Variants in GRAMD1B observed in about 807,000 individuals in gnomAD.
GRAMD1B encodes the protein GRAM domain containing 1B.
GRAMD1B carries 37 observed loss-of-function variants against 99.7 expected under a neutral mutation model. That is an observed-to-expected ratio of 0.37 (90% CI 0.29 to 0.49). The LOEUF (loss-of-function observed/expected upper bound fraction) is 0.49. GRAMD1B is among the 20% of genes least tolerant of loss of function. The pLI is 0.98. For synonymous variants in GRAMD1B, 427 were observed against 387.6 expected (o/e 1.10, Z -1.19); for missense variants, 888 against 1,009.2 (o/e 0.88, Z 1.63).
At chr11:123,536,531 C>G (rs1349223588) in intron 2 of GRAMD1B, among the ~76,000 whole-genome samples, 1 of 152,108 alleles carries the variant, frequency 6.6e-6, no homozygotes, top group Non-Finnish European at 1.5e-5. Context: ...TGTTGATGCT[C>G]TTGGGATGGG....
intron 1 of GRAMD1B, among the ~76,000 whole-genome samples, chr11:123,362,851 C>T (rs535902561): frequency 1.3e-4 from 20 of 152,152 alleles, no homozygotes; most frequent in African/African-American, 4.3e-4. Context: ...CAGGCTGCCC[C>T]GGAAGGCAAG....
intron 1 of GRAMD1B, among the ~76,000 whole-genome samples, chr11:123,406,358 A>T (rs537580114): frequency 5.0e-4 from 76 of 151,772 alleles, no homozygotes; most frequent in African/African-American, 1.7e-3. Context: ...GGTTCAAGTG[A>T]TTCTCCCGCC....
chr11:123,588,746 A>T (rs961628956), intron 4 of GRAMD1B, among the ~76,000 whole-genome samples: 3 of 152,212 alleles, frequency 2.0e-5, no homozygotes, highest in African/African-American at 7.2e-5. Context: ...CTTCGTGTGT[A>T]CATGTAAGAT....
chr11:123,548,325 T>TATATATATATATATACAC (rs1555067740), intron 2 of GRAMD1B, among the ~76,000 whole-genome samples: 11 of 86,890 alleles, frequency 1.3e-4, no homozygotes, highest in African/African-American at 4.6e-4. Context: ...TATATATATA[T>TATATATATATATATACAC]ACACACACAC....
At chr11:123,405,153 A>C (rs1403066379) in intron 1 of GRAMD1B, among the ~76,000 whole-genome samples, 1 of 151,962 alleles carries the variant, frequency 6.6e-6, no homozygotes. Context: ...ATTATCAAAC[A>C]GTTAAAAAGA....
chr11:123,420,751 A>G (rs1948405000), intron 1 of GRAMD1B, among the ~76,000 whole-genome samples: 1 of 152,260 alleles, frequency 6.6e-6, no homozygotes, highest in South Asian at 2.1e-4. Context: ...AGTGAAGTGG[A>G]GAAAACACTG....
At chr11:123,535,421 G>A (rs1943865050) in intron 2 of GRAMD1B, among the ~76,000 whole-genome samples, 1 of 152,092 alleles carries the variant, frequency 6.6e-6, no homozygotes, top group Admixed American at 6.6e-5. Flanking sequence ...TAAAGCCTGT[G>A]CTCTCGACCT....
At chr11:123,497,900 CAAAAAA>C (rs34168499) in intron 2 of GRAMD1B, among the ~76,000 whole-genome samples, 1 of 110,360 alleles carries the variant, frequency 9.1e-6, no homozygotes. Flanking sequence ...GAATCTGTCT[CAAAAAA>C]AAAAAAAAAA....
At chr11:123,416,909 T>C (rs369077785) in intron 1 of GRAMD1B, among the ~76,000 whole-genome samples, 1 of 152,320 alleles carries the variant, frequency 6.6e-6, no homozygotes, top group South Asian at 2.1e-4. Context: ...ATTTTTCACA[T>C]TGGTTAACTG....
chr11:123,422,758 G>T (rs1166770297), intron 1 of GRAMD1B, among the ~76,000 whole-genome samples: 1 of 152,146 alleles, frequency 6.6e-6, no homozygotes, highest in Admixed American at 6.5e-5. Flanking sequence ...CTGGAAATAT[G>T]ACCCCCTTGT....
chr11:123,604,721 A>G (rs1952464626), intron 9 of GRAMD1B, among the ~76,000 whole-genome samples: 1 of 152,236 alleles, frequency 6.6e-6, no homozygotes. Flanking sequence ...TTTGTTAAGT[A>G]CAGGTCAGAT....
chr11:123,369,552 T>C (rs569347833), intron 1 of GRAMD1B, among the ~76,000 whole-genome samples: 4 of 152,242 alleles, frequency 2.6e-5, no homozygotes, highest in African/African-American at 9.6e-5. Context: ...TTTACATTTA[T>C]CAATTTATTT....
At position 123,596,009 on chromosome 11, in the gene GRAMD1B, C is replaced by A; in HGVS notation, c.941C>A (p.Ala314Asp). Residue 314 changes from alanine (A) to aspartate (D), a missense_variant, in exon 7 of 20, where the codon GCC (alanine) becomes GAC (aspartate). This residue lies in a region of GRAMD1B where 62 missense variants were observed against 139.4 expected (regional missense o/e 0.44). Coordinates refer to ENST00000635736, the MANE Select transcript of GRAMD1B (RefSeq NM_001387025.1). Reference sequence around the variant, plus strand: ...AAAACAGCTCGCCTCATTCCCAATGCCATCCAAGTTTGCACTGATTCAGAA... The same window carrying A: ...AAAACAGCTCGCCTCATTCCCAATGACATCCAAGTTTGCACTGATTCAGAA... Reference protein sequence around the residue: ...KEKTARLIPNAIQVCTDSEKH... With the variant: ...KEKTARLIPNDIQVCTDSEKH... The A allele has an allele frequency of 6.2e-7, 1 of 1,606,260 alleles. No homozygotes were observed. Among genetic ancestry groups the A allele is most frequent in the South Asian group, 1.1e-5 (1 of 89,468 alleles).
intron 7 of GRAMD1B, chr11:123,598,224 G>C: frequency 7.1e-7 from 1 of 1,412,006 alleles, no homozygotes; most frequent in Non-Finnish European, 1.0e-6. Flanking sequence ...AGTTTCCACA[G>C]ATCTCACAGT....
intron 1 of GRAMD1B, among the ~76,000 whole-genome samples, chr11:123,447,523 C>T (rs553294043): frequency 5.9e-5 from 9 of 152,236 alleles, no homozygotes; most frequent in East Asian, 1.9e-4. Context: ...TTTCCTAGGA[C>T]GACTGCCCCA....
chr11:123,401,141 G>A (rs1177419486), intron 1 of GRAMD1B, among the ~76,000 whole-genome samples: 1 of 152,202 alleles, frequency 6.6e-6, no homozygotes, highest in Non-Finnish European at 1.5e-5. Flanking sequence ...GGCAGAATGA[G>A]GTTTGGTAAC....
chr11:123,526,032 A>G (rs1308190575), intron 2 of GRAMD1B: 1 of 853,390 alleles, frequency 1.2e-6, no homozygotes, highest in East Asian at 2.6e-5. Flanking sequence ...TTCAAGTCAC[A>G]TTACATGGGA....
chr11:123,455,224 T>G (rs990350276), intron 1 of GRAMD1B, among the ~76,000 whole-genome samples: 2 of 152,220 alleles, frequency 1.3e-5, no homozygotes, highest in Non-Finnish European at 2.9e-5. Flanking sequence ...CTATTATGAC[T>G]AGGTAGAGAT....
At chr11:123,552,303 A>G (rs12789811) in intron 2 of GRAMD1B, among the ~76,000 whole-genome samples, 1 of 87,930 alleles carries the variant, frequency 1.1e-5, no homozygotes, top group Non-Finnish European at 2.4e-5. Flanking sequence ...GATTTTTTTA[A>G]TTTTTTGAGA....
Sources: gnomAD v4.1 joint callset for allele counts (sites outside exome capture counted in the v4.1 genomes callset) on GRCh38, gnomAD v4.1.1 for gene constraint, gnomAD v4.1.1 regional missense constraint, MANE v1.5 for transcripts, NCBI Gene and HGNC (gene_info 2026-07-23, HGNC 2026-07-21) for gene names.